Variants in MYO15B observed in about 807,000 individuals in gnomAD.
The protein encoded by MYO15B is myosin XVB, also known as myosin XVB pseudogene.
In MYO15B, 207 loss-of-function variants were observed where a neutral mutation model predicts 119.3. The observed-to-expected ratio is 1.73, with a 90% CI of 1.55 to 1.95. The LOEUF is 1.95. Among genes scored for constraint, MYO15B ranks in the 30% most tolerant of loss-of-function variants. MYO15B has a pLI of 0.00. For synonymous variants in MYO15B, 966 were observed against 498.9 expected (o/e 1.94, Z -12.48); for missense variants, 2,264 against 1,203.1 (o/e 1.88, Z -13.04).
chr17:75,605,316 A>T (rs975980828), intron 19 of MYO15B, among the ~76,000 whole-genome samples, 188 bp from the exon 20 acceptor site: 1 of 152,074 alleles, frequency 6.6e-6, no homozygotes, highest in Non-Finnish European at 1.5e-5. Context: ...GGGCACCTGT[A>T]GTCCCAGCTA....
Position 75,593,919 on chromosome 17 carries a change from C to CAGA in MYO15B, c.2992-551_2992-549dup, listed in dbSNP as rs1471869291. Among the ~76,000 whole-genome samples the CAGA allele has an allele frequency of 1.9e-4, 11 of 58,492 alleles. No homozygotes were observed. In the East Asian group the frequency reaches 5.0e-3, roughly 27 times the overall value. 38.4% of individuals were successfully genotyped at this position (58,492 alleles called of 152,430 possible). ...GAGCAACAAGAGCGAGACTCAGTCTCAGAAGAAAAAAAAAAAAAAGATTAG... is the reference window on the plus strand; with the variant it reads ...GAGCAACAAGAGCGAGACTCAGTCTCAGAAGAAGAAAAAAAAAAAAAAGATTAG... On this transcript the variant is annotated intron_variant, in intron 9 of 63. Coordinates refer to ENST00000645453, the Ensembl canonical transcript of MYO15B.
At position 75,625,992 on chromosome 17, in the gene MYO15B, T is replaced by C. The variant is rs2059027449; in HGVS notation, c.9072+15T>C. 1 of 700,780 alleles carries C rather than the reference T, an allele frequency of 1.4e-6. No homozygotes were observed. Among genetic ancestry groups the C allele is most frequent in the African/African-American group, 1.7e-5 (1 of 57,158 alleles). 43.4% of individuals were successfully genotyped at this position (700,780 alleles called of 1,614,324 possible). Reference sequence around the variant, plus strand: ...CCAGCTCCCAGGTGGGCACAGCTCTTGCCTCAGCACTGGCCTAGGGACCCT... The same window carrying C: ...CCAGCTCCCAGGTGGGCACAGCTCTCGCCTCAGCACTGGCCTAGGGACCCT... On this transcript the variant is annotated intron_variant, in intron 62 of 63. Coordinates refer to ENST00000645453, the Ensembl canonical transcript of MYO15B.
At position 75,605,550 on chromosome 17, in the gene MYO15B, G is replaced by A. The variant is rs1195879235; in HGVS notation, c.4063G>A (p.Glu1355Lys). 4.3e-6 allele frequency: 3 copies of A among 702,816 alleles called. No homozygotes were observed. The African/African-American group carries it at 5.2e-5, about 12-fold the overall frequency. The allele number at this position is 702,816 out of a possible 1,614,324, so 43.5% of individuals were successfully genotyped here. A position where few individuals can be genotyped will look rare whatever the true frequency, so the allele number is the denominator to read the frequency against. The change falls in exon 20 of 64, where the codon GAG becomes AAG. Residue 1355 changes from glutamate (E) to lysine (K), a missense_variant. Transcript: ENST00000645453. ...AGGGCAGGAAGACCTCTCTGACCGG[G>A]AGAAGTGTGGTGCCGTCCTGAGCCA...
At chr17:75,616,545 C>A (rs201049985) in exon 39 of MYO15B, 13 of 702,702 alleles carry the variant, frequency 1.8e-5, no homozygotes, top group Admixed American at 1.2e-4. Flanking sequence ...CCTCCTCCCC[C>A]CATCGTGAAG....
intron 12 of MYO15B, among the ~76,000 whole-genome samples, chr17:75,595,527 C>T (rs1402588088): frequency 5.9e-5 from 9 of 152,208 alleles, no homozygotes; most frequent in Admixed American, 6.5e-5. Context: ...CCAGCGTTCC[C>T]GTCTGTAAAA....
exon 34 of MYO15B, chr17:75,615,297 T>C (rs1291150775): frequency 2.8e-6 from 2 of 702,718 alleles, no homozygotes; most frequent in Non-Finnish European, 5.2e-6. Context: ...CCTGCACCCA[T>C]GCCCATGATG....
intron 29 of MYO15B, 137 bp downstream of exon 29, chr17:75,613,914 T>C: frequency 1.7e-6 from 1 of 602,566 alleles, no homozygotes; most frequent in South Asian, 2.0e-5. Flanking sequence ...CAGATGGCGA[T>C]GGGGAGCCGG....
chr17:75,601,299 A>G (rs1598766617), intron 14 of MYO15B, 139 bp from the exon 15 acceptor site: 2 of 588,806 alleles, frequency 3.4e-6, no homozygotes. Context: ...TCGGCCTCCC[A>G]AAGCGCTTGT....
chr17:75,594,880 C>T (rs780741865), exon 12 of MYO15B: 17 of 702,930 alleles, frequency 2.4e-5, no homozygotes, highest in South Asian at 1.8e-4. Flanking sequence ...CCTCTTCCAC[C>T]GGCTTCTGAG....
chr17:75,624,917 G>A lies in MYO15B; in HGVS notation c.8688+1G>A, dbSNP rs780856066. On this transcript the variant is annotated splice_donor_variant, in intron 59 of 63. Coordinates refer to ENST00000645453, the Ensembl canonical transcript of MYO15B. LOFTEE classifies it high-confidence loss of function. ...CTACATCAGCACCCACTACAGCCAG[G>A]TCAGCCTGCCTGCCTCCGAGCTGCT... The A allele has an allele frequency of 2.4e-5, 17 of 702,356 alleles. No homozygotes were observed. In the African/African-American group the frequency reaches 2.4e-4, roughly 10 times the overall value. 43.5% of individuals were successfully genotyped at this position (702,356 alleles called of 1,614,324 possible). A position where few individuals can be genotyped will look rare whatever the true frequency, so the allele number is the denominator to read the frequency against.
chr17:75,590,043 C>G, exon 1 of MYO15B: 1 of 399,014 alleles, frequency 2.5e-6, no homozygotes. Context: ...CCTTGGAGAC[C>G]CGCCTGCAGC....
At chr17:75,601,400 T>A (rs1160929349) in intron 14 of MYO15B, 38 bp from the exon 15 acceptor site, 1 of 701,708 alleles carries the variant, frequency 1.4e-6, no homozygotes, top group East Asian at 2.7e-5. Context: ...GGACAGCCTG[T>A]GCAGAGGCGT....
At chr17:75,606,969 A>G (rs963870238) in intron 21 of MYO15B, 21 of 398,388 alleles carry the variant, frequency 5.3e-5, no homozygotes, top group African/African-American at 3.7e-4. Context: ...CTGTTGGCTG[A>G]CCGTCTGCCT....
chr17:75,603,269 GC>G lies in MYO15B; in HGVS notation c.3975del (p.Asn1326ThrfsTer36). ...ACTGGAGGCCGTGGGCACCCGCAGT[GC>G]CAACTTCCCCGTGCGTGTGCCCTTT... On this transcript the variant is annotated frameshift_variant, in exon 19 of 64. Transcript: ENST00000645453. LOFTEE classifies it high-confidence loss of function. 4.3e-6 allele frequency: 3 copies of G among 703,102 alleles called. No individual in the cohort carries two copies. In the South Asian group the frequency reaches 4.4e-5, roughly 10 times the overall value. The allele number at this position is 703,102 out of a possible 1,614,324, so 43.6% of individuals were successfully genotyped here.
rs1438887390 is a variant in MYO15B, at chr17:75,591,723, G to C, written c.2547+11G>C. On this transcript the variant is annotated intron_variant, in intron 5 of 63. Transcript: ENST00000645453. Reference sequence around the variant, plus strand: ...AACCGAGAGTGTCAGGTGAGGGCCAGGCTGGAGGTACCTCATGGGTTGAGC... The same window carrying C: ...AACCGAGAGTGTCAGGTGAGGGCCACGCTGGAGGTACCTCATGGGTTGAGC... 1 of 702,926 alleles carries C rather than the reference G, an allele frequency of 1.4e-6. No individual in the cohort carries two copies. 43.5% of individuals were successfully genotyped at this position (702,926 alleles called of 1,614,324 possible).
chr17:75,588,093 G>A (rs1264582111), exon 1 of MYO15B: 1 of 398,210 alleles, frequency 2.5e-6, no homozygotes, highest in Non-Finnish European at 4.4e-6. Context: ...CCCAGCGCCT[G>A]GAGAGGCCCG....
chr17:75,620,911 AC>A, intron 49 of MYO15B, 119 bp from the exon 50 acceptor site: 1 of 702,066 alleles, frequency 1.4e-6, no homozygotes, highest in Non-Finnish European at 2.6e-6. Context: ...ACAGCTCTTC[AC>A]TTTCCTGGCT....
At chr17:75,598,266 C>CAAAAAAAA (rs67823231) in intron 14 of MYO15B, among the ~76,000 whole-genome samples, 1 of 140,208 alleles carries the variant, frequency 7.1e-6, no homozygotes. Flanking sequence ...GACTCCGTCT[C>CAAAAAAAA]AAAAAAAAGA....
intron 14 of MYO15B, among the ~76,000 whole-genome samples, chr17:75,600,311 G>C (rs2057175095): frequency 6.6e-6 from 1 of 151,950 alleles, no homozygotes; most frequent in African/African-American, 2.4e-5. Flanking sequence ...ACAGGCGTGA[G>C]CCACCGCGTC....
Sources: gnomAD v4.1 joint callset for allele counts (sites outside exome capture counted in the v4.1 genomes callset) on GRCh38, gnomAD v4.1.1 for gene constraint, MANE v1.5 for transcripts, NCBI Gene and HGNC (gene_info 2026-07-23, HGNC 2026-07-21) for gene names.